The following PRKG2 variants were observed in gnomAD, a reference collection of about 807,000 sequenced individuals.
PRKG2 encodes the protein cGMP-dependent protein kinase 2.
A neutral mutation model predicts 97.2 loss-of-function variants in PRKG2; 33 were observed. That is an observed-to-expected ratio of 0.34 (90% confidence interval 0.26 to 0.45). PRKG2 has a LOEUF of 0.45. PRKG2 is among the 20% of genes least tolerant of loss of function. PRKG2 has a pLI of 1.00. For synonymous variants in PRKG2, 330 were observed against 321.8 expected, an observed-to-expected ratio of 1.03 and a Z score of -0.27; for missense variants, 638 against 900.0, an observed-to-expected ratio of 0.71 and a Z score of 3.73.
chr4:81,140,480 A>G, intron 12 of PRKG2, 53 bp downstream of exon 12: 1 of 1,430,036 alleles, frequency 7.0e-7, no homozygotes, highest in Non-Finnish European at 9.3e-7. Context: ...AAGTAAATAC[A>G]TAAATAAAGA....
At chr4:81,154,300 C>A (rs1288968175) in intron 6 of PRKG2, 1 of 153,402 alleles carries the variant, frequency 6.5e-6, no homozygotes, top group South Asian at 2.0e-4. Flanking sequence ...CCTCTGTAGG[C>A]TCCACCTCTG....
intron 6 of PRKG2, among the ~76,000 whole-genome samples, chr4:81,162,412 G>A (rs888600117): frequency 2.6e-5 from 4 of 152,134 alleles, no homozygotes; most frequent in Non-Finnish European, 5.9e-5. Flanking sequence ...GCCCATGCAT[G>A]CTTTCATGCA....
intron 5 of PRKG2, among the ~76,000 whole-genome samples, chr4:81,168,862 C>T (rs1181076516): frequency 1.3e-5 from 2 of 151,686 alleles, no homozygotes; most frequent in African/African-American, 4.8e-5. Context: ...ACCATAAGAA[C>T]TTATAATTTA....
At chr4:81,207,070 A>G (rs963006735) in intron 1 of PRKG2, among the ~76,000 whole-genome samples, 6 of 152,222 alleles carry the variant, frequency 3.9e-5, no homozygotes, top group African/African-American at 1.2e-4. Context: ...TTATGAATGT[A>G]TAAGAAGGAT....
At chr4:81,147,050 T>C (rs1747919716) in intron 9 of PRKG2, among the ~76,000 whole-genome samples, 1 of 152,212 alleles carries the variant, frequency 6.6e-6, no homozygotes, top group Non-Finnish European at 1.5e-5. Flanking sequence ...TTATGTCTCA[T>C]TGTGCCTAAT....
At chr4:81,138,697 AT>A (rs1746961442) in intron 12 of PRKG2, among the ~76,000 whole-genome samples, 1 of 152,186 alleles carries the variant, frequency 6.6e-6, no homozygotes, top group Non-Finnish European at 1.5e-5. Context: ...TGTCATTAAT[AT>A]TTATTCTTCA....
chr4:81,201,953 A>C (rs1199588488), intron 2 of PRKG2, among the ~76,000 whole-genome samples: 2 of 152,208 alleles, frequency 1.3e-5, no homozygotes, highest in East Asian at 3.8e-4. Context: ...TTTAGCCATA[A>C]ATTCAGCCAG....
Position 81,140,621 on chromosome 4 carries a change from T to C in PRKG2, c.1456A>G (p.Lys486Glu). ...TGCTTGGTGTCAACTATGTGCTTCT[T>C]CCTTATACACTTCATAGCAAAAGCA... ...NVAFAMKCIR[K>E]KHIVDTKQQE... Residue 486 changes from lysine (K) to glutamate (E), a missense_variant, in exon 12 of 19, where the codon AAG becomes GAG. Coordinates refer to ENST00000264399, the MANE Select transcript of PRKG2 (RefSeq NM_006259.3). The C allele has an allele frequency of 1.2e-6, 2 of 1,612,060 alleles. No homozygotes were observed. Among genetic ancestry groups the C allele is most frequent in the Non-Finnish European group, 1.7e-6 (2 of 1,178,372 alleles).
intron 15 of PRKG2, among the ~76,000 whole-genome samples, chr4:81,107,340 C>T (rs896189190): frequency 2.0e-5 from 3 of 151,936 alleles, no homozygotes; most frequent in Admixed American, 6.6e-5. Context: ...ATGGTATCAT[C>T]AAGAGAGTGA....
intron 10 of PRKG2, 64 bp from the exon 11 acceptor site, chr4:81,143,011 A>C (rs1486945181): frequency 1.3e-6 from 2 of 1,501,234 alleles, no homozygotes; most frequent in Non-Finnish European, 1.8e-6. Context: ...CATGCCATAC[A>C]TAAATTTCAC....
upstream of PRKG2, among the ~76,000 whole-genome samples, chr4:81,215,972 G>A (rs1754256801): frequency 6.6e-6 from 1 of 151,878 alleles, no homozygotes; most frequent in African/African-American, 2.4e-5. Context: ...GGAGTTGTGA[G>A]ATCTCCATGT....
At chr4:81,149,771 G>C (rs1748205252) in intron 8 of PRKG2, among the ~76,000 whole-genome samples, 1 of 152,144 alleles carries the variant, frequency 6.6e-6, no homozygotes, top group Admixed American at 6.5e-5. Flanking sequence ...CATTTAAGAT[G>C]ACTTGGGAGT....
chr4:81,102,121 T>C (rs945124504), intron 17 of PRKG2, among the ~76,000 whole-genome samples: 2 of 152,338 alleles, frequency 1.3e-5, no homozygotes, highest in Non-Finnish European at 2.9e-5. Context: ...ATATTACATA[T>C]AGCAAAGACA....
At chr4:81,153,622 G>A (rs1473338240) in intron 7 of PRKG2, 22 bp downstream of exon 7, 12 of 1,525,060 alleles carry the variant, frequency 7.9e-6, no homozygotes. Flanking sequence ...TTTTTATTTA[G>A]TAAGTTTTAA....
In PRKG2 at chr4:81,105,810, C is replaced by T. The variant is rs1231119735; in HGVS notation, c.2063+3G>A. The T allele has an allele frequency of 1.9e-6, 3 of 1,613,622 alleles. No homozygotes were observed. Among genetic ancestry groups the T allele is most frequent in the Non-Finnish European group, 2.5e-6 (3 of 1,179,660 alleles). On this transcript the variant is annotated splice_donor_region_variant and intron_variant, in intron 16 of 18. Coordinates refer to ENST00000264399, the MANE Select transcript of PRKG2 (RefSeq NM_006259.3). ...ACAAGGGGTTACTGACTGTCATTCTCACCTGCAAAGCCTCCGAATCAAATC... is the reference window on the plus strand; with the variant it reads ...ACAAGGGGTTACTGACTGTCATTCTTACCTGCAAAGCCTCCGAATCAAATC...
At chr4:81,217,530 T>C (rs1017806900), upstream of PRKG2, among the ~76,000 whole-genome samples, 1 of 152,186 alleles carries the variant, frequency 6.6e-6, no homozygotes, top group East Asian at 1.9e-4. Flanking sequence ...TTTAATTCAG[T>C]CTTTCAACAA....
chr4:81,189,631 G>A (rs112603419), intron 2 of PRKG2, among the ~76,000 whole-genome samples: 7,465 of 149,714 alleles, frequency 0.05, 281 homozygotes, highest in Non-Finnish European at 0.079. Flanking sequence ...GGAGTGGGGA[G>A]GGATAGCTTT....
chr4:81,132,261 A>AT (rs1746256410), intron 14 of PRKG2, among the ~76,000 whole-genome samples: 1 of 152,170 alleles, frequency 6.6e-6, no homozygotes, highest in African/African-American at 2.4e-5. Flanking sequence ...ACCTATAATC[A>AT]TACTTACCTC....
intron 5 of PRKG2, among the ~76,000 whole-genome samples, chr4:81,169,181 C>G (rs1183952948): frequency 6.6e-6 from 1 of 151,980 alleles, no homozygotes; most frequent in Non-Finnish European, 1.5e-5. Context: ...TTTAGCAAGT[C>G]AATTTGCTAC....
Sources: allele counts gnomAD v4.1 joint callset (sites outside exome capture counted in the v4.1 genomes callset), GRCh38; gene constraint gnomAD v4.1.1; transcripts MANE v1.5; gene names NCBI Gene and HGNC (gene_info 2026-07-23, HGNC 2026-07-21).